Variants in DENND1B observed in about 807,000 individuals in gnomAD.
DENND1B encodes the protein DENN domain-containing protein 1B.
A neutral mutation model predicts 90.1 loss-of-function variants in DENND1B; 59 were observed. The ratio of observed to expected loss-of-function variants is 0.65; its 90% CI spans 0.53 to 0.81. The LOEUF (loss-of-function observed/expected upper bound fraction) is 0.81. DENND1B is among the 40% of genes least tolerant of loss of function. DENND1B has a pLI of 0.00. For missense variants in DENND1B, 862 were observed against 912.6 expected, an observed-to-expected ratio of 0.94 and a Z score of 0.71; for synonymous variants, 337 against 324.6, an observed-to-expected ratio of 1.04 and a Z score of -0.41.
At chr1:197,700,862 T>C (rs1339346170) in intron 3 of DENND1B, among the ~76,000 whole-genome samples, 1 of 152,058 alleles carries the variant, frequency 6.6e-6, no homozygotes, top group Admixed American at 6.6e-5. Context: ...ACCACAGAAA[T>C]GCAAATCAAA....
At chr1:197,564,940 T>C (rs1672497935) in intron 15 of DENND1B, among the ~76,000 whole-genome samples, 1 of 152,002 alleles carries the variant, frequency 6.6e-6, no homozygotes, top group Non-Finnish European at 1.5e-5. Context: ...CCTGATAAAC[T>C]GTCTCCTCTT....
rs781319166 is a variant in DENND1B, at chr1:197,642,744, C to T, written c.639G>A (p.Arg213=). The T allele has an allele frequency of 1.9e-6, 3 of 1,613,470 alleles. No homozygotes were observed. The highest frequency in any genetic ancestry group is 2.5e-6 in the Non-Finnish European group (3 of 1,179,742). ...ATTTGCTCGAGATAATCACGATGCG[C>T]CTTTCATGCAGCATACTGGCATACA... is the stretch of plus-strand genomic sequence containing the variant. The part of the protein sequence containing the change: ...LQLYASMLHE[R]RIVIISSKLS... The change falls in exon 10 of 23, where the codon AGG becomes AGA. Residue 213 remains arginine (R), a synonymous_variant. Transcript: ENST00000620048.
chr1:197,734,361 T>C (rs1047182243), intron 2 of DENND1B: 5 of 975,578 alleles, frequency 5.1e-6, no homozygotes, highest in Admixed American at 1.2e-4. Context: ...TATTAAGTTA[T>C]GGTTGAGTTC....
At chr1:197,655,250 T>A (rs901157563) in intron 6 of DENND1B, among the ~76,000 whole-genome samples, 4 of 152,214 alleles carry the variant, frequency 2.6e-5, no homozygotes, top group African/African-American at 9.7e-5. Flanking sequence ...TCTACAATTA[T>A]AAAATGGAGA....
intron 13 of DENND1B, among the ~76,000 whole-genome samples, chr1:197,603,826 A>T (rs1309959651): frequency 6.6e-6 from 1 of 151,304 alleles, no homozygotes; most frequent in Non-Finnish European, 1.5e-5. Context: ...TTAAAACTAA[A>T]TTCTATATAG....
At chr1:197,707,681 A>G (rs1212018244) in intron 3 of DENND1B, among the ~76,000 whole-genome samples, 1 of 146,056 alleles carries the variant, frequency 6.8e-6, no homozygotes, top group Non-Finnish European at 1.5e-5. Context: ...ATAATAATAT[A>G]ATATAATATA....
chr1:197,773,293 C>A (rs1656850931), intron 1 of DENND1B, among the ~76,000 whole-genome samples: 1 of 152,160 alleles, frequency 6.6e-6, no homozygotes, highest in African/African-American at 2.4e-5. Flanking sequence ...TTGGTTTTAT[C>A]TTATTGGATC....
At position 197,558,848 on chromosome 1, in the gene DENND1B, CAGTA is replaced by C. The variant is rs1170177251; in HGVS notation, c.1150-5740_1150-5737del. Reference sequence around the variant, plus strand: ...ATTATCTGTTGCTTTAAATATACTTCAGTAAGTAATACTGTTAAATGAAAATTAA... The same window carrying C: ...ATTATCTGTTGCTTTAAATATACTTCAGTAATACTGTTAAATGAAAATTAA... On this transcript the variant is annotated intron_variant, in intron 15 of 22. Coordinates refer to ENST00000620048, the MANE Select transcript of DENND1B (RefSeq NM_001195215.2). Among the ~76,000 whole-genome samples the C allele has an allele frequency of 5.9e-5, 9 of 151,858 alleles. No homozygotes were observed. In the East Asian group the frequency reaches 1.7e-3, roughly 29 times the overall value.
intron 2 of DENND1B, among the ~76,000 whole-genome samples, chr1:197,766,578 A>AC (rs1655728680): frequency 6.6e-6 from 1 of 152,194 alleles, no homozygotes; most frequent in South Asian, 2.1e-4. Context: ...TGAAGAGAGG[A>AC]AAGGAGACAT....
intron 3 of DENND1B, among the ~76,000 whole-genome samples, chr1:197,713,793 T>TTATTATATTATAATA (rs1558432722): frequency 3.0e-4 from 6 of 20,234 alleles, no homozygotes; most frequent in African/African-American, 1.1e-3. Flanking sequence ...TATTATAATA[T>TTATTATATTATAATA]TATTATATTA....
intron 20 of DENND1B, among the ~76,000 whole-genome samples, chr1:197,538,803 T>C (rs191507644): frequency 6.6e-6 from 1 of 151,892 alleles, no homozygotes; most frequent in African/African-American, 2.4e-5. Context: ...ATTGTAATGG[T>C]ATTAAGAAGT....
chr1:197,598,416 C>T (rs147517142), intron 13 of DENND1B, among the ~76,000 whole-genome samples: 1,658 of 151,880 alleles, frequency 0.011, 26 homozygotes, highest in African/African-American at 0.038. Context: ...ATCAACCTGG[C>T]TGTGTTTCTG....
Position 197,746,958 on chromosome 1 carries a change from C to T in DENND1B, c.82+25910G>A, listed in dbSNP as rs1167618464. ...TGAGTTCCTCAGTCTTCTCAATATT[C>T]CACCCCTCCACAGCCTGGTCTATCC... On this transcript the variant is annotated intron_variant, in intron 2 of 22. Transcript: ENST00000620048. 1.7e-5 allele frequency: 20 copies of T among 1,191,674 alleles called. No homozygotes were observed. The East Asian group carries it at 4.7e-4, about 28-fold the overall frequency. 73.8% of individuals were successfully genotyped at this position (1,191,674 alleles called of 1,614,324 possible).
At chr1:197,577,551 G>A (rs1025292794) in intron 15 of DENND1B, among the ~76,000 whole-genome samples, 10 of 152,132 alleles carry the variant, frequency 6.6e-5, no homozygotes, top group African/African-American at 1.2e-4. Flanking sequence ...ATGGTAAGAT[G>A]AGCAGAAAAA....
chr1:197,771,457 C>T (rs570660502), intron 2 of DENND1B, among the ~76,000 whole-genome samples: 5 of 152,268 alleles, frequency 3.3e-5, no homozygotes, highest in Admixed American at 1.3e-4. Flanking sequence ...AAGATAACTT[C>T]ATCAACTAGA....
At chr1:197,774,914 G>A (rs1189824482) in intron 1 of DENND1B, among the ~76,000 whole-genome samples, 6 of 152,068 alleles carry the variant, frequency 3.9e-5, no homozygotes, top group African/African-American at 1.4e-4. Flanking sequence ...GAGGAGCCGC[G>A]CCAACCACGG....
intron 21 of DENND1B, 118 bp downstream of exon 21, chr1:197,512,753 C>A (rs1025386225): frequency 1.5e-5 from 13 of 864,678 alleles, no homozygotes; most frequent in Non-Finnish European, 2.1e-5. Context: ...CTGAAGAACA[C>A]TGTAAAAGGG....
chr1:197,536,160 T>TG (rs1553278763), intron 20 of DENND1B, among the ~76,000 whole-genome samples: 5,665 of 125,846 alleles, frequency 0.045, 462 homozygotes, highest in African/African-American at 0.15. Flanking sequence ...GAGAGAGAGA[T>TG]AGATGAGATG....
intron 13 of DENND1B, among the ~76,000 whole-genome samples, chr1:197,595,597 A>G (rs1675615717): frequency 6.6e-6 from 1 of 152,028 alleles, no homozygotes; most frequent in South Asian, 2.1e-4. Context: ...AGCTTTAATT[A>G]TTTTACAATA....
Sources: gnomAD v4.1 joint callset for allele counts (sites outside exome capture counted in the v4.1 genomes callset) on GRCh38, gnomAD v4.1.1 for gene constraint, MANE v1.5 for transcripts, NCBI Gene and HGNC (gene_info 2026-07-23, HGNC 2026-07-21) for gene names.